The following KMT2C variants were observed in gnomAD, a reference collection of about 807,000 sequenced individuals.
KMT2C encodes the protein lysine methyltransferase 2C.
KMT2C carries 88 observed loss-of-function variants against 507.9 expected under a neutral mutation model. That is an observed-to-expected ratio of 0.17 (90% CI 0.15 to 0.21). The LOEUF is 0.21. KMT2C is among the 10% of genes least tolerant of loss of function. KMT2C has a pLI of 1.00. For synonymous variants in KMT2C, 2,049 were observed against 2,080.8 expected, an observed-to-expected ratio of 0.98 and a Z score of 0.42; for missense variants, 4,954 against 5,957.8, an observed-to-expected ratio of 0.83 and a Z score of 5.55.
chr7:152,178,493 T>C (rs2129116582), intron 37 of KMT2C, among the ~76,000 whole-genome samples: 1 of 152,302 alleles, frequency 6.6e-6, no homozygotes. Context: ...GATGATGGGA[T>C]AGAATAAACT....
At chr7:152,219,760 A>C (rs2094706709) in intron 23 of KMT2C, among the ~76,000 whole-genome samples, 1 of 152,146 alleles carries the variant, frequency 6.6e-6, no homozygotes, top group South Asian at 2.1e-4. Flanking sequence ...TCAAGAACTC[A>C]GCAGGCTGAG....
intron 6 of KMT2C, among the ~76,000 whole-genome samples, chr7:152,302,193 G>C (rs924991500): frequency 6.6e-6 from 1 of 151,960 alleles, no homozygotes; most frequent in African/African-American, 2.4e-5. Flanking sequence ...TTCTATGAGG[G>C]GAGACAACAG....
At chr7:152,204,973 T>C (rs1375800700) in intron 25 of KMT2C, 133 bp downstream of exon 25, 6 of 581,728 alleles carry the variant, frequency 1.0e-5, no homozygotes, top group Non-Finnish European at 1.8e-5. Context: ...AATAAGACTC[T>C]TATTGAGTAA....
In KMT2C at chr7:152,181,403, T is replaced by C; in HGVS notation, c.6457A>G (p.Arg2153Gly). The change falls in exon 36 of 59, where the codon AGG becomes GGG. Residue 2153 changes from arginine to glycine, a missense_variant. Arg to Gly is a moderately radical substitution (Grantham distance 125). Transcript: ENST00000262189. ...TGAGAGTAAGGGTCTGTATTGGACC[T>C]AGCTGTTCCTGAAGATTGGGAATAA... ...DSYSQSSGTARSNTDPYSQPP... is the reference protein window; with the variant it reads ...DSYSQSSGTAGSNTDPYSQPP... 1 of 1,614,040 alleles carries C rather than the reference T, an allele frequency of 6.2e-7. No individual in the cohort carries two copies. Among genetic ancestry groups the C allele is most frequent in the African/African-American group, 1.3e-5 (1 of 74,990 alleles).
At chr7:152,406,840 G>GT (rs71229514) in intron 1 of KMT2C, among the ~76,000 whole-genome samples, 13 of 116,560 alleles carry the variant, frequency 1.1e-4, no homozygotes, top group African/African-American at 4.6e-4. Context: ...TTATTTTTTG[G>GT]TTTTTTTTTT....
chr7:152,176,196 T>C lies in KMT2C; in HGVS notation c.9257A>G (p.Asn3086Ser), dbSNP rs774733367. ...AGACTCAAGAAAACTCCTACCAATATTAGGGAAGAACGGTTCTGATCGCTG... is the reference window on the plus strand; with the variant it reads ...AGACTCAAGAAAACTCCTACCAATACTAGGGAAGAACGGTTCTGATCGCTG... ...IRQRSEPFFPNIDFDAITDPI... is the reference protein window; with the variant it reads ...IRQRSEPFFPSIDFDAITDPI... The change falls in exon 38 of 59, where the codon AAT (asparagine) becomes AGT (serine). Residue 3086 changes from asparagine (N) to serine (S), a missense_variant. Transcript: ENST00000262189. 5 of 1,593,578 alleles carry C rather than the reference T, an allele frequency of 3.1e-6. 1 individual carries two copies. The South Asian group carries it at 5.7e-5, about 18-fold the overall frequency.
intron 1 of KMT2C, among the ~76,000 whole-genome samples, chr7:152,384,643 C>T (rs2097407160): frequency 6.8e-6 from 1 of 146,782 alleles, no homozygotes; most frequent in Non-Finnish European, 1.5e-5. Context: ...TAGCCGATGA[C>T]TCCTTTAGAG....
chr7:152,368,007 A>T, intron 1 of KMT2C: 1 of 846,630 alleles, frequency 1.2e-6, no homozygotes, highest in Non-Finnish European at 2.0e-6. Flanking sequence ...AGAACATAAA[A>T]TTAAGATATA....
chr7:152,176,114 A>C (rs1438702500), intron 38 of KMT2C, 77 bp downstream of exon 38: 10 of 1,312,700 alleles, frequency 7.6e-6, no homozygotes, highest in Non-Finnish European at 1.0e-5. Flanking sequence ...TAATTCTAAT[A>C]ATAAAATCTT....
intron 2 of KMT2C, among the ~76,000 whole-genome samples, chr7:152,343,925 A>G (rs2097025357): frequency 6.6e-6 from 1 of 152,214 alleles, no homozygotes; most frequent in Non-Finnish European, 1.5e-5. Flanking sequence ...AGAACGGTAC[A>G]GGTCAAAAAC....
chr7:152,176,680 C>T lies in KMT2C; in HGVS notation c.8773G>A (p.Glu2925Lys), dbSNP rs1414769459. 2 of 1,614,170 alleles carry T rather than the reference C, an allele frequency of 1.2e-6. No homozygotes were observed. The highest frequency in any genetic ancestry group is 1.7e-6 in the Non-Finnish European group (2 of 1,180,038). ...CTAATGTCTGAATTATCAGATTTCT[C>T]ATTAGCAAGTAAACTTGAGAGAACT... is the stretch of plus-strand genomic sequence containing the variant. The part of the protein sequence containing the change: ...TPVLSSLLAN[E>K]KSDNSDIRPS... Residue 2925 changes from glutamate to lysine, a missense_variant, in exon 38 of 59, where the codon GAG (glutamate) becomes AAG (lysine). Physicochemically the swap from Glu to Lys is moderately conservative, Grantham distance 56. Around this residue, in one of 29 missense-constraint regions of KMT2C, gnomAD observed 1,689 missense variants for 1,654.3 expected, o/e 1.02. Transcript: ENST00000262189.
At chr7:152,348,599 TAAAAAAAAA>T (rs201530125) in intron 2 of KMT2C, among the ~76,000 whole-genome samples, 6 of 48,992 alleles carry the variant, frequency 1.2e-4, no homozygotes, top group Middle Eastern at 0.022. Context: ...AACTCTGTCT[TAAAAAAAAA>T]AAAAAAAAAA....
At chr7:152,360,768 G>A (rs1454684619) in intron 1 of KMT2C, among the ~76,000 whole-genome samples, 2 of 151,270 alleles carry the variant, frequency 1.3e-5, no homozygotes, top group African/African-American at 2.4e-5. Context: ...AGAATTGCTT[G>A]AACCTGGGAG....
In KMT2C at chr7:152,150,770, A is replaced by G. The variant is rs1235049849; in HGVS notation, c.12774+130T>C. On this transcript the variant is annotated intron_variant, in intron 51 of 58. Coordinates refer to ENST00000262189, the MANE Select transcript of KMT2C (RefSeq NM_170606.3). ...ACACCCTCTCCTCCTCTGCCGGGTCAGCACCTGCTTTGGATTCCCCACACA... is the reference window on the plus strand; with the variant it reads ...ACACCCTCTCCTCCTCTGCCGGGTCGGCACCTGCTTTGGATTCCCCACACA... 9 of 661,298 alleles carry G rather than the reference A, an allele frequency of 1.4e-5. No individual in the cohort carries two copies. The East Asian group carries it at 1.7e-4, about 13-fold the overall frequency. 41.0% of individuals were successfully genotyped at this position (661,298 alleles called of 1,614,324 possible).
At chr7:152,183,809 T>G (rs1373597709) in intron 34 of KMT2C, among the ~76,000 whole-genome samples, 1 of 152,026 alleles carries the variant, frequency 6.6e-6, no homozygotes, top group Non-Finnish European at 1.5e-5. Flanking sequence ...GGCAGGAGAA[T>G]CACTTGAACT....
At chr7:152,427,008 T>TTTTTG (rs910300642) in intron 1 of KMT2C, among the ~76,000 whole-genome samples, 58 of 151,512 alleles carry the variant, frequency 3.8e-4, no homozygotes, top group South Asian at 1.0e-3. Flanking sequence ...CCAGAGTTTT[T>TTTTTG]TTTTGTTTTG....
At chr7:152,430,421 C>T (rs1002024015) in intron 1 of KMT2C, among the ~76,000 whole-genome samples, 1 of 152,040 alleles carries the variant, frequency 6.6e-6, no homozygotes. Flanking sequence ...AAAGTTTATT[C>T]CATGGCAGCT....
intron 14 of KMT2C, among the ~76,000 whole-genome samples, chr7:152,246,029 A>T (rs565960470): frequency 4.6e-5 from 7 of 152,302 alleles, no homozygotes; most frequent in Admixed American, 4.6e-4. Context: ...AATACCAAAG[A>T]AATTCATGTA....
At chr7:152,174,794 TTTGA>T in intron 38 of KMT2C, among the ~76,000 whole-genome samples, 1 of 152,220 alleles carries the variant, frequency 6.6e-6, no homozygotes, top group East Asian at 1.9e-4. Context: ...ACACGTGCCC[TTTGA>T]TTGCTAATTC....
Sources: gnomAD v4.1 joint callset for allele counts (sites outside exome capture counted in the v4.1 genomes callset) on GRCh38, gnomAD v4.1.1 for gene constraint, gnomAD v4.1.1 regional missense constraint, MANE v1.5 for transcripts, NCBI Gene and HGNC (gene_info 2026-07-23, HGNC 2026-07-21) for gene names.